The following PTPRD variants were observed in gnomAD, a reference collection of about 807,000 sequenced individuals.
The protein encoded by PTPRD is protein tyrosine phosphatase receptor type D.
PTPRD carries 34 observed loss-of-function variants against 214.5 expected under a neutral mutation model. The ratio of observed to expected loss-of-function variants is 0.16; its 90% CI spans 0.12 to 0.21. The LOEUF is 0.21. PTPRD is among the 10% of genes least tolerant of loss of function. PTPRD has a pLI of 1.00. For missense variants in PTPRD, 2,545 were observed against 2,398.7 expected (o/e 1.06, Z -1.27); for synonymous variants, 1,128 against 845.7 (o/e 1.33, Z -5.79).
At chr9:9,131,425 A>G (rs1401134783) in intron 10 of PTPRD, among the ~76,000 whole-genome samples, 2 of 152,182 alleles carry the variant, frequency 1.3e-5, no homozygotes, top group African/African-American at 4.8e-5. Context: ...TGTCAGAAAT[A>G]TTGTTTATAA....
chr9:9,683,635 A>G (rs1303771949), intron 7 of PTPRD, among the ~76,000 whole-genome samples: 4 of 151,732 alleles, frequency 2.6e-5, no homozygotes, highest in African/African-American at 7.3e-5. Context: ...CTCTGAAGTA[A>G]TAAGATTTAT....
At chr9:8,468,798 GAAAAAAAA>G (rs35027583) in intron 31 of PTPRD, among the ~76,000 whole-genome samples, 1 of 123,538 alleles carries the variant, frequency 8.1e-6, no homozygotes, top group Non-Finnish European at 1.7e-5. Context: ...ATCCATGGTA[GAAAAAAAA>G]AAAAAAAAAA....
At chr9:8,815,023 T>C (rs1443219109) in intron 11 of PTPRD, among the ~76,000 whole-genome samples, 1 of 152,182 alleles carries the variant, frequency 6.6e-6, no homozygotes, top group African/African-American at 2.4e-5. Context: ...CAAATCTGTC[T>C]CAGCTTTATT....
intron 12 of PTPRD, among the ~76,000 whole-genome samples, chr9:8,663,444 T>C (rs938942423): frequency 6.9e-6 from 1 of 144,682 alleles, no homozygotes; most frequent in Admixed American, 6.7e-5. Context: ...CTGCATGTGA[T>C]TGTAAAAGCA....
intron 12 of PTPRD, among the ~76,000 whole-genome samples, chr9:8,644,040 C>T (rs1329958487): frequency 6.6e-6 from 1 of 152,198 alleles, no homozygotes; most frequent in Non-Finnish European, 1.5e-5. Flanking sequence ...ACTTCATCCC[C>T]TCTGAGGCCC....
intron 14 of PTPRD, among the ~76,000 whole-genome samples, chr9:8,589,512 T>A (rs142190988): frequency 6.6e-6 from 1 of 152,174 alleles, no homozygotes; most frequent in Non-Finnish European, 1.5e-5. Flanking sequence ...TCCAACCTAA[T>A]TCTAATTATC....
intron 5 of PTPRD, among the ~76,000 whole-genome samples, chr9:9,816,681 C>A (rs1040317384): frequency 6.6e-6 from 1 of 151,990 alleles, no homozygotes. Flanking sequence ...AGCCTATAAA[C>A]ACGTAGCTTA....
chr9:10,518,403 C>A (rs1424439648), intron 2 of PTPRD, among the ~76,000 whole-genome samples: 1 of 152,000 alleles, frequency 6.6e-6, no homozygotes, highest in Non-Finnish European at 1.5e-5. Flanking sequence ...AAAAATTAAG[C>A]ACCATGTTGG....
chr9:8,775,879 G>C (rs1206692957), intron 11 of PTPRD, among the ~76,000 whole-genome samples: 3 of 151,222 alleles, frequency 2.0e-5, no homozygotes, highest in African/African-American at 4.9e-5. Flanking sequence ...CAGGAATGAA[G>C]AATAGTAACA....
chr9:9,345,932 T>A (rs1172389979), intron 9 of PTPRD, among the ~76,000 whole-genome samples: 1 of 152,184 alleles, frequency 6.6e-6, no homozygotes, highest in Non-Finnish European at 1.5e-5. Context: ...GATATTTCAA[T>A]GTACTTCTTT....
chr9:9,997,747 T>C (rs772907860), intron 4 of PTPRD, among the ~76,000 whole-genome samples: 1 of 152,112 alleles, frequency 6.6e-6, no homozygotes, highest in Non-Finnish European at 1.5e-5. Flanking sequence ...TGGCAAGTAT[T>C]GATATGCTAA....
At chr9:8,840,648 A>T (rs1016733392) in intron 11 of PTPRD, among the ~76,000 whole-genome samples, 2 of 152,216 alleles carry the variant, frequency 1.3e-5, no homozygotes, top group Non-Finnish European at 2.9e-5. Flanking sequence ...TCCGGTTTTT[A>T]ATCAGAATGT....
intron 12 of PTPRD, among the ~76,000 whole-genome samples, chr9:8,693,096 A>C (rs754266771): frequency 3.3e-5 from 5 of 152,246 alleles, no homozygotes; most frequent in Non-Finnish European, 5.9e-5. Context: ...ATGTGGTATT[A>C]TGCGCCGGGA....
intron 27 of PTPRD, among the ~76,000 whole-genome samples, chr9:8,488,042 A>G (rs2097068490): frequency 6.6e-6 from 1 of 152,154 alleles, no homozygotes; most frequent in Non-Finnish European, 1.5e-5. Flanking sequence ...TATGAATGTG[A>G]AGAAAAAGAA....
chr9:9,311,223 A>G (rs1290278927), intron 9 of PTPRD, among the ~76,000 whole-genome samples: 2 of 152,160 alleles, frequency 1.3e-5, no homozygotes, highest in Non-Finnish European at 2.9e-5. Context: ...GAAAAACTAA[A>G]AGTTCAGCAA....
At chr9:8,552,307 G>A (rs1047020020) in intron 14 of PTPRD, among the ~76,000 whole-genome samples, 1 of 152,190 alleles carries the variant, frequency 6.6e-6, no homozygotes, top group African/African-American at 2.4e-5. Flanking sequence ...GTTTGGCGGT[G>A]CCTGTCAAAA....
At chr9:10,330,976 A>T (rs1485663763) in intron 3 of PTPRD, among the ~76,000 whole-genome samples, 1 of 151,798 alleles carries the variant, frequency 6.6e-6, no homozygotes, top group African/African-American at 2.4e-5. Flanking sequence ...TATGGGTCCC[A>T]GTTCATCCTT....
intron 11 of PTPRD, among the ~76,000 whole-genome samples, chr9:8,831,850 C>G (rs1052206278): frequency 6.6e-6 from 1 of 152,104 alleles, no homozygotes; most frequent in Non-Finnish European, 1.5e-5. Context: ...ACTAATTTGA[C>G]AAAAACTGCT....
At chr9:9,463,994 C>T (rs557420064) in intron 8 of PTPRD, among the ~76,000 whole-genome samples, 2 of 152,292 alleles carry the variant, frequency 1.3e-5, no homozygotes, top group South Asian at 4.1e-4. Flanking sequence ...TTAACTAACT[C>T]CTCTTTCTTT....
Sources: allele counts gnomAD v4.1 joint callset (sites outside exome capture counted in the v4.1 genomes callset), GRCh38; gene constraint gnomAD v4.1.1; transcripts MANE v1.5; gene names NCBI Gene and HGNC (gene_info 2026-07-23, HGNC 2026-07-21).